The following JMJD1C variants were observed in gnomAD, a reference collection of about 807,000 sequenced individuals.
JMJD1C encodes the protein jumonji domain containing 1C, also known as jumonji domain-containing protein 1C.
Under a neutral mutation model 245.3 loss-of-function variants are expected in JMJD1C, and 31 were observed. That is an observed-to-expected ratio of 0.13 (90% CI 0.09 to 0.17). JMJD1C has a LOEUF of 0.17. Ranked by LOEUF, JMJD1C falls within the 10% of genes least tolerant of loss-of-function variation. The pLI is 1.00. For missense variants in JMJD1C, 2,691 were observed against 3,000.2 expected, an observed-to-expected ratio of 0.90 and a Z score of 2.41; for synonymous variants, 1,057 against 1,017.4, an observed-to-expected ratio of 1.04 and a Z score of -0.74.
intron 1 of JMJD1C, among the ~76,000 whole-genome samples, chr10:63,401,811 A>T (rs1412924759): frequency 6.6e-6 from 1 of 152,106 alleles, no homozygotes; most frequent in Non-Finnish European, 1.5e-5. Flanking sequence ...ATGAAAGCAG[A>T]GCCTTCATGT....
At chr10:63,290,504 T>C (rs1005110299) in intron 2 of JMJD1C, among the ~76,000 whole-genome samples, 2 of 152,078 alleles carry the variant, frequency 1.3e-5, no homozygotes, top group Admixed American at 1.3e-4. Flanking sequence ...GAGGTTGCAG[T>C]GAGCCAAGAT....
At chr10:63,494,740 CAG>C (rs1222861731) in intron 1 of JMJD1C, among the ~76,000 whole-genome samples, 19 of 152,118 alleles carry the variant, frequency 1.2e-4, no homozygotes, top group Admixed American at 2.0e-4. Context: ...TTATTACTGA[CAG>C]AGAAAAACCT....
intron 24 of JMJD1C, among the ~76,000 whole-genome samples, chr10:63,170,732 G>T (rs146198856): frequency 6.6e-6 from 1 of 152,062 alleles, no homozygotes; most frequent in Non-Finnish European, 1.5e-5. Context: ...ATGCTATTAG[G>T]TTTCCTAATG....
chr10:63,501,689 T>C (rs1460672882), intron 1 of JMJD1C, among the ~76,000 whole-genome samples: 1 of 151,900 alleles, frequency 6.6e-6, no homozygotes, highest in Non-Finnish European at 1.5e-5. Flanking sequence ...GGCAGGAGAA[T>C]GGTGTGAACC....
At chr10:63,203,431 A>G (rs1846245057) in intron 10 of JMJD1C, 2 of 985,296 alleles carry the variant, frequency 2.0e-6, no homozygotes, top group South Asian at 9.4e-5. Context: ...GGAGGAAGAA[A>G]GTAAGAGACA....
chr10:63,182,803 C>T (rs1392173743), intron 22 of JMJD1C, among the ~76,000 whole-genome samples: 1 of 152,164 alleles, frequency 6.6e-6, no homozygotes, highest in Non-Finnish European at 1.5e-5. Context: ...CATATTTTAA[C>T]CATCTTTAGA....
intron 2 of JMJD1C, among the ~76,000 whole-genome samples, chr10:63,286,280 T>A (rs1468778301): frequency 6.6e-6 from 1 of 152,240 alleles, no homozygotes; most frequent in African/African-American, 2.4e-5. Context: ...ATTCTAAGAA[T>A]ACACATATCT....
chr10:63,321,136 G>A (rs1940805551), intron 2 of JMJD1C, among the ~76,000 whole-genome samples: 1 of 152,226 alleles, frequency 6.6e-6, no homozygotes, highest in African/African-American at 2.4e-5. Flanking sequence ...GAAAGTTCCT[G>A]TTCTCTGGAC....
chr10:63,283,617 T>G (rs1857649585), intron 2 of JMJD1C, among the ~76,000 whole-genome samples: 2 of 152,160 alleles, frequency 1.3e-5, no homozygotes, highest in South Asian at 4.1e-4. Flanking sequence ...TGCACCCACC[T>G]CGGCCTCCCG....
chr10:63,505,941 C>T (rs1161864762), intron 1 of JMJD1C, among the ~76,000 whole-genome samples: 2 of 120,748 alleles, frequency 1.7e-5, no homozygotes, highest in Non-Finnish European at 3.9e-5. Flanking sequence ...ATTTCTCCCC[C>T]TGCCAAAATT....
intron 1 of JMJD1C, among the ~76,000 whole-genome samples, chr10:63,400,067 T>C (rs897650684): frequency 6.6e-6 from 1 of 152,184 alleles, no homozygotes; most frequent in African/African-American, 2.4e-5. Context: ...ACAGTAGCAA[T>C]CACAGCTTAA....
intron 1 of JMJD1C, among the ~76,000 whole-genome samples, chr10:63,486,127 C>A (rs1953985255): frequency 3.3e-5 from 3 of 90,726 alleles, no homozygotes; most frequent in African/African-American, 1.0e-4. Context: ...TAAAGGGCTT[C>A]AAGCAATTGT....
Position 63,394,619 on chromosome 10 carries a change from T to C in JMJD1C, c.169-14137A>G, listed in dbSNP as rs528765326. Among the ~76,000 whole-genome samples the C allele has an allele frequency of 4.4e-4, 66 of 151,698 alleles. No individual in the cohort carries two copies. In the South Asian group the frequency reaches 9.2e-3, roughly 21 times the overall value. On this transcript the variant is annotated intron_variant, in intron 1 of 25. Transcript: ENST00000399262. Reference sequence around the variant, plus strand: ...CAGCACTTTGGGAGGCTGAGGCAGATAGATCACCTGAGGTTGGGAGTTCGA... The same window carrying C: ...CAGCACTTTGGGAGGCTGAGGCAGACAGATCACCTGAGGTTGGGAGTTCGA...
chr10:63,274,578 A>C (rs528850285), intron 2 of JMJD1C, among the ~76,000 whole-genome samples: 2 of 152,132 alleles, frequency 1.3e-5, no homozygotes, highest in Non-Finnish European at 2.9e-5. Flanking sequence ...AAAAAAAACA[A>C]AAAAGTTTTT....
chr10:63,450,327 G>C (rs1194141224), intron 1 of JMJD1C, among the ~76,000 whole-genome samples: 2 of 151,950 alleles, frequency 1.3e-5, no homozygotes, highest in African/African-American at 4.8e-5. Flanking sequence ...TGTAAAAAAG[G>C]ATATTCATAC....
At position 63,193,936 on chromosome 10, in the gene JMJD1C, G is replaced by T. The variant is rs139488951; in HGVS notation, c.5734+350C>A. On this transcript the variant is annotated intron_variant, in intron 14 of 25. Transcript: ENST00000399262. ...CGGCCTTGGCCTCCCAAAATGCTGGGATTACAGGCGTGAGCCACTGCGCCC... is the reference window on the plus strand; with the variant it reads ...CGGCCTTGGCCTCCCAAAATGCTGGTATTACAGGCGTGAGCCACTGCGCCC... 3.3e-4 allele frequency among the ~76,000 whole-genome samples: 50 copies of T among 152,336 alleles called. No homozygotes were observed. In the East Asian group the frequency reaches 8.1e-3, roughly 25 times the overall value.
intron 3 of JMJD1C, among the ~76,000 whole-genome samples, chr10:63,240,777 A>G (rs1851382649): frequency 2.0e-5 from 3 of 152,196 alleles, no homozygotes; most frequent in Admixed American, 1.3e-4. Flanking sequence ...GACAGGTTCT[A>G]GAATACAAAA....
intron 2 of JMJD1C, among the ~76,000 whole-genome samples, chr10:63,369,744 C>T (rs867774467): frequency 3.2e-4 from 49 of 152,268 alleles, no homozygotes; most frequent in African/African-American, 1.2e-3. Context: ...ATAGCCTATA[C>T]ACCAAAGAAG....
At chr10:63,309,418 G>A (rs976259227) in intron 2 of JMJD1C, among the ~76,000 whole-genome samples, 28 of 147,932 alleles carry the variant, frequency 1.9e-4, no homozygotes, top group African/African-American at 6.3e-4. Context: ...CGCTTGAACC[G>A]GGGGGGCAGA....
Sources: allele counts gnomAD v4.1 joint callset (sites outside exome capture counted in the v4.1 genomes callset), GRCh38; gene constraint gnomAD v4.1.1; transcripts MANE v1.5; gene names NCBI Gene and HGNC (gene_info 2026-07-23, HGNC 2026-07-21).